ATP2C1: variants seen among roughly 807,000 people sequenced by gnomAD.
ATP2C1 encodes calcium-transporting ATPase type 2C member 1.
ATP2C1 carries 31 observed loss-of-function variants against 120.5 expected under a neutral mutation model. That is an observed-to-expected ratio of 0.26 (90% CI 0.19 to 0.35). The LOEUF (loss-of-function observed/expected upper bound fraction) is 0.35, where lower values mean the gene tolerates loss of function less well. Ranked by LOEUF, ATP2C1 falls within the 10% of genes least tolerant of loss-of-function variation. The probability of loss-of-function intolerance (pLI) is 1.00; values close to 1 mark genes in which losing one functional copy is unlikely to be tolerated. For synonymous variants in ATP2C1, 351 were observed against 358.7 expected (o/e 0.98, Z 0.24); for missense variants, 731 against 1,107.5 (o/e 0.66, Z 4.83).
chr3:130,993,809 G>T, intron 21 of ATP2C1, 123 bp from the exon 22 acceptor site: 1 of 960,112 alleles, frequency 1.0e-6, no homozygotes, highest in South Asian at 1.4e-5. Flanking sequence ...AACAATGGGT[G>T]GTCTATATTA....
At chr3:130,890,720 C>A (rs1029269298), upstream of ATP2C1, among the ~76,000 whole-genome samples, 1 of 152,156 alleles carries the variant, frequency 6.6e-6, no homozygotes, top group African/African-American at 2.4e-5. Context: ...AAACATGGAA[C>A]TAGGCAGATT....
chr3:130,851,245 A>G (rs2067665598), intron 1 of ATP2C1, among the ~76,000 whole-genome samples: 1 of 152,264 alleles, frequency 6.6e-6, no homozygotes, highest in African/African-American at 2.4e-5. Context: ...ACAAAATTTG[A>G]CACTATTAAT....
chr3:130,952,357 A>G (rs2060405744), intron 8 of ATP2C1, among the ~76,000 whole-genome samples: 1 of 152,204 alleles, frequency 6.6e-6, no homozygotes, highest in African/African-American at 2.4e-5. Context: ...TGTTGATCAA[A>G]TTAAAACAGT....
intron 17 of ATP2C1, 78 bp from the exon 18 acceptor site, chr3:130,975,254 T>C: frequency 1.4e-6 from 2 of 1,392,038 alleles, no homozygotes; most frequent in Non-Finnish European, 2.0e-6. Context: ...GAGAAATGAA[T>C]GCCACTTAAT....
chr3:130,985,007 G>A (rs2108812933), intron 20 of ATP2C1, among the ~76,000 whole-genome samples: 1 of 152,286 alleles, frequency 6.6e-6, no homozygotes, highest in Middle Eastern at 3.4e-3. Context: ...ACCTATCACT[G>A]TGGTTGCTAA....
chr3:130,859,393 G>A (rs965224728), intron 1 of ATP2C1, among the ~76,000 whole-genome samples: 1 of 152,142 alleles, frequency 6.6e-6, no homozygotes, highest in Admixed American at 6.6e-5. Context: ...AAGCCTAATC[G>A]ACCACTTAAC....
At chr3:130,988,323 G>A (rs1211565850) in intron 20 of ATP2C1, among the ~76,000 whole-genome samples, 1 of 151,918 alleles carries the variant, frequency 6.6e-6, no homozygotes, top group Non-Finnish European at 1.5e-5. Context: ...AAAGAACTGT[G>A]AGTGCTGACC....
intron 8 of ATP2C1, among the ~76,000 whole-genome samples, chr3:130,947,020 T>C (rs145752124): frequency 2.6e-5 from 4 of 152,242 alleles, no homozygotes; most frequent in East Asian, 1.9e-4. Flanking sequence ...AAGAATGATA[T>C]GTGTCTGCTC....
chr3:130,969,417 T>C, intron 17 of ATP2C1, 21 bp downstream of exon 17: 2 of 1,577,832 alleles, frequency 1.3e-6, no homozygotes, highest in Non-Finnish European at 1.7e-6. Flanking sequence ...GTTTAAAGAA[T>C]ACTTATTTCC....
Position 130,918,533 on chromosome 3 carries a change from C to T in ATP2C1, c.7-11883C>T, listed in dbSNP as rs374044411. The T allele has an allele frequency of 3.9e-4, 290 of 751,602 alleles. 4 individuals carry two copies. The highest frequency in any genetic ancestry group is 3.8e-3 in the South Asian group (281 of 73,894). 46.6% of individuals were successfully genotyped at this position (751,602 alleles called of 1,614,324 possible). A position where few individuals can be genotyped will look rare whatever the true frequency, so the allele number is the denominator to read the frequency against. Reference sequence around the variant, plus strand: ...TGAGGCTGAACACTCTGGCTTGATGCCCAGGCTCTCACCACGGTCCATGTT... The same window carrying T: ...TGAGGCTGAACACTCTGGCTTGATGTCCAGGCTCTCACCACGGTCCATGTT... On this transcript the variant is annotated intron_variant, in intron 2 of 27. Coordinates refer to ENST00000510168, the MANE Select transcript of ATP2C1 (RefSeq NM_001378687.1).
intron 2 of ATP2C1, among the ~76,000 whole-genome samples, chr3:130,921,758 A>G (rs530251897): frequency 6.6e-6 from 1 of 152,110 alleles, no homozygotes; most frequent in East Asian, 1.9e-4. Context: ...TACATTTTTT[A>G]TATGTTGAAT....
chr3:130,937,176 C>A (rs1239918918), intron 5 of ATP2C1, among the ~76,000 whole-genome samples: 1 of 152,086 alleles, frequency 6.6e-6, no homozygotes, highest in Non-Finnish European at 1.5e-5. Context: ...AAAGCTGGTC[C>A]TCAATTTGTG....
chr3:130,939,571 G>A (rs2059808730), intron 6 of ATP2C1, among the ~76,000 whole-genome samples: 1 of 152,150 alleles, frequency 6.6e-6, no homozygotes, highest in Non-Finnish European at 1.5e-5. Context: ...AGATTGGGCA[G>A]CATCTATGTC....
At chr3:130,896,920 T>G (rs2069681139) in intron 2 of ATP2C1, among the ~76,000 whole-genome samples, 1 of 152,190 alleles carries the variant, frequency 6.6e-6, no homozygotes, top group African/African-American at 2.4e-5. Flanking sequence ...CGCTTACCAT[T>G]TGGCTTTGTG....
chr3:130,886,769 G>A (rs1033520156), intron 1 of ATP2C1, among the ~76,000 whole-genome samples: 1 of 152,064 alleles, frequency 6.6e-6, no homozygotes, highest in Non-Finnish European at 1.5e-5. Context: ...ATTTCTTTGA[G>A]TTTTCTAAAA....
At chr3:130,950,862 T>A (rs2060343035) in intron 8 of ATP2C1, among the ~76,000 whole-genome samples, 1 of 130,954 alleles carries the variant, frequency 7.6e-6, no homozygotes. Flanking sequence ...TTTCTCTTTT[T>A]AAAAACAACA....
At chr3:130,865,778 A>G (rs57149662) in intron 1 of ATP2C1, among the ~76,000 whole-genome samples, 1,851 of 152,294 alleles carry the variant, frequency 0.012, 42 homozygotes, top group African/African-American at 0.042. Flanking sequence ...GCCATGTGGA[A>G]CTGTAAGTCC....
chr3:130,938,546 T>C (rs1393761828), intron 6 of ATP2C1, among the ~76,000 whole-genome samples: 2 of 152,208 alleles, frequency 1.3e-5, no homozygotes, highest in African/African-American at 4.8e-5. Flanking sequence ...AGAAAGCCAG[T>C]TGGAATCAGA....
chr3:130,903,257 C>CACCA (rs886602577), intron 2 of ATP2C1, among the ~76,000 whole-genome samples: 9 of 152,008 alleles, frequency 5.9e-5, no homozygotes, highest in African/African-American at 1.9e-4. Context: ...TTTTGAGGAA[C>CACCA]ACCACTTAAA....
Sources: gnomAD v4.1 joint callset for allele counts (sites outside exome capture counted in the v4.1 genomes callset) on GRCh38, gnomAD v4.1.1 for gene constraint, MANE v1.5 for transcripts, NCBI Gene and HGNC (gene_info 2026-07-23, HGNC 2026-07-21) for gene names.